The following SNTG2 variants were observed in gnomAD, a reference collection of about 807,000 sequenced individuals.
SNTG2 encodes the protein gamma-2-syntrophin.
SNTG2 carries 74 observed loss-of-function variants against 70.9 expected under a neutral mutation model. The ratio of observed to expected loss-of-function variants is 1.04; its 90% CI spans 0.86 to 1.27. SNTG2 has a LOEUF of 1.27. Ranked by LOEUF, SNTG2 falls within the 50% of genes most tolerant of loss-of-function variation. SNTG2 has a pLI of 0.00. For missense variants in SNTG2, 717 were observed against 690.7 expected (o/e 1.04, Z -0.43); for synonymous variants, 278 against 273.8 (o/e 1.02, Z -0.15).
intron 13 of SNTG2, among the ~76,000 whole-genome samples, chr2:1,265,824 C>T (rs984219815): frequency 5.3e-5 from 8 of 152,236 alleles, no homozygotes; most frequent in African/African-American, 1.7e-4. Flanking sequence ...TTCCTTTCTG[C>T]TGCCATATGC....
At chr2:1,235,768 A>C (rs1676609671) in intron 9 of SNTG2, among the ~76,000 whole-genome samples, 1 of 152,190 alleles carries the variant, frequency 6.6e-6, no homozygotes, top group South Asian at 2.1e-4. Flanking sequence ...AGGCCTTTGG[A>C]GAAGAACAGG....
At chr2:1,038,881 G>A (rs1661277344) in intron 1 of SNTG2, among the ~76,000 whole-genome samples, 1 of 152,212 alleles carries the variant, frequency 6.6e-6, no homozygotes, top group Non-Finnish European at 1.5e-5. Flanking sequence ...TCCACTGCCT[G>A]TTTTTCATCC....
intron 9 of SNTG2, among the ~76,000 whole-genome samples, chr2:1,231,777 C>T (rs1199069219): frequency 1.3e-5 from 2 of 152,270 alleles, no homozygotes; most frequent in African/African-American, 4.8e-5. Context: ...CGTGACAAAC[C>T]CAGGTGCTGG....
chr2:1,116,440 G>A (rs139434670), intron 4 of SNTG2, among the ~76,000 whole-genome samples: 2 of 152,160 alleles, frequency 1.3e-5, no homozygotes, highest in Non-Finnish European at 2.9e-5. Flanking sequence ...TCTTGCATGG[G>A]GGTGCTCTGG....
At chr2:1,231,122 C>T (rs777613730) in intron 9 of SNTG2, among the ~76,000 whole-genome samples, 4 of 148,192 alleles carry the variant, frequency 2.7e-5, no homozygotes, top group Non-Finnish European at 4.4e-5. Context: ...AGGGTCACTG[C>T]GAGGGTGAAA....
chr2:952,487 G>C (rs1300880445), intron 1 of SNTG2, among the ~76,000 whole-genome samples: 1 of 152,212 alleles, frequency 6.6e-6, no homozygotes, highest in Non-Finnish European at 1.5e-5. Context: ...GCAACTGCGC[G>C]TATTCTAGTA....
intron 4 of SNTG2, among the ~76,000 whole-genome samples, chr2:1,113,404 C>T (rs1484050629): frequency 6.6e-6 from 1 of 151,598 alleles, no homozygotes; most frequent in Non-Finnish European, 1.5e-5. Context: ...TAAGGTTTAA[C>T]CACTATAGTC....
At chr2:1,333,200 C>T (rs553890353) in intron 16 of SNTG2, among the ~76,000 whole-genome samples, 6 of 152,118 alleles carry the variant, frequency 3.9e-5, no homozygotes, top group Non-Finnish European at 8.8e-5. Flanking sequence ...ATCGCTTTTA[C>T]AACAGCTGCA....
intron 2 of SNTG2, among the ~76,000 whole-genome samples, chr2:1,083,965 C>T (rs7566450): frequency 0.76 from 115,417 of 151,924 alleles, 44,488 homozygotes; most frequent in Admixed American, 0.87. Context: ...CACTTGAATC[C>T]AGGAGGCGGA....
chr2:1,308,107 C>A (rs561196780), intron 14 of SNTG2, among the ~76,000 whole-genome samples: 1 of 152,234 alleles, frequency 6.6e-6, no homozygotes, highest in South Asian at 2.1e-4. Context: ...GGGCCTCATG[C>A]AAAGAAAAGT....
At chr2:1,197,914 T>C (rs1337385747) in intron 8 of SNTG2, among the ~76,000 whole-genome samples, 3 of 150,004 alleles carry the variant, frequency 2.0e-5, no homozygotes, top group Non-Finnish European at 4.4e-5. Flanking sequence ...ATTGGGGATT[T>C]CAACACTGCT....
intron 16 of SNTG2, among the ~76,000 whole-genome samples, chr2:1,333,641 T>TA (rs1659646880): frequency 6.6e-6 from 1 of 152,156 alleles, no homozygotes; most frequent in Non-Finnish European, 1.5e-5. Context: ...GCCAAATACT[T>TA]ACAGCCAACT....
At chr2:985,885 T>C (rs920277393) in intron 1 of SNTG2, among the ~76,000 whole-genome samples, 1 of 152,166 alleles carries the variant, frequency 6.6e-6, no homozygotes. Context: ...CCAAGTGTTA[T>C]CACAGTTTCA....
Position 1,367,566 on chromosome 2 carries a change from A to G in SNTG2, c.*92A>G, listed in dbSNP as rs1390399737. Reference sequence around the variant, plus strand: ...TATTGCAACTTTGTGTTGTTTTATGATGAGCCTATAGTTGTGATACCAATA... The same window carrying G: ...TATTGCAACTTTGTGTTGTTTTATGGTGAGCCTATAGTTGTGATACCAATA... On this transcript the variant is annotated 3_prime_UTR_variant, in exon 17 of 17. Coordinates refer to ENST00000308624, the MANE Select transcript of SNTG2 (RefSeq NM_018968.4). 1.6e-5 allele frequency: 23 copies of G among 1,444,636 alleles called. No homozygotes were observed. The highest frequency in any genetic ancestry group is 2.1e-5 in the Non-Finnish European group (23 of 1,069,770). 89.5% of individuals were successfully genotyped at this position (1,444,636 alleles called of 1,614,324 possible). A position where few individuals can be genotyped will look rare whatever the true frequency, so the allele number is the denominator to read the frequency against.
chr2:1,221,937 CTCTG>C (rs1446157702), intron 9 of SNTG2, among the ~76,000 whole-genome samples: 1 of 24,296 alleles, frequency 4.1e-5, no homozygotes, highest in African/African-American at 1.8e-4. Flanking sequence ...CTCTCTCTGT[CTCTG>C]TCTGTCTCTG....
At chr2:1,297,587 C>G (rs536655863) in intron 14 of SNTG2, among the ~76,000 whole-genome samples, 12 of 151,156 alleles carry the variant, frequency 7.9e-5, no homozygotes. Flanking sequence ...TCCTTCCCAG[C>G]GGCCCAGCCC....
At position 1,347,689 on chromosome 2, in the gene SNTG2, C is replaced by T. The variant is rs1010098924; in HGVS notation, c.1489-19654C>T. ...AAGGGGTCTGAATGGCTGCATCTCG[C>T]CCAACCCTGGGAAGAGAAAACTAGC... On this transcript the variant is annotated intron_variant, in intron 16 of 16. Transcript: ENST00000308624. Among the ~76,000 whole-genome samples the T allele has an allele frequency of 5.9e-5, 9 of 152,276 alleles. No homozygotes were observed. The East Asian group carries it at 9.7e-4, about 16-fold the overall frequency.
chr2:961,486 A>G (rs554604998), intron 1 of SNTG2, among the ~76,000 whole-genome samples: 17 of 152,318 alleles, frequency 1.1e-4, no homozygotes, highest in African/African-American at 4.1e-4. Flanking sequence ...TTAACACACC[A>G]CGGTGTGCCC....
intron 6 of SNTG2, among the ~76,000 whole-genome samples, chr2:1,152,493 G>A (rs1180556909): frequency 6.6e-6 from 1 of 152,202 alleles, no homozygotes; most frequent in Non-Finnish European, 1.5e-5. Context: ...GTGCATGGAT[G>A]CGTATATTCG....
Sources: allele counts gnomAD v4.1 joint callset (sites outside exome capture counted in the v4.1 genomes callset), GRCh38; gene constraint gnomAD v4.1.1; transcripts MANE v1.5; gene names NCBI Gene and HGNC (gene_info 2026-07-23, HGNC 2026-07-21).